Variants in DCLK3 observed in about 807,000 individuals in gnomAD.
The protein encoded by DCLK3 is serine/threonine-protein kinase DCLK3.
Under a neutral mutation model 46.4 loss-of-function variants are expected in DCLK3, and 30 were observed. The observed-to-expected ratio is 0.65, with a 90% CI of 0.48 to 0.88. DCLK3 has a LOEUF of 0.88. Ranked by LOEUF, DCLK3 falls within the 40% of genes least tolerant of loss-of-function variation. The pLI, the probability that DCLK3 is intolerant of heterozygous loss-of-function variation, is 0.00. For missense variants in DCLK3, 846 were observed against 907.1 expected, an observed-to-expected ratio of 0.93 and a Z score of 0.87; for synonymous variants, 401 against 339.2, an observed-to-expected ratio of 1.18 and a Z score of -2.00.
intron 2 of DCLK3, among the ~76,000 whole-genome samples, chr3:36,729,424 A>G (rs1036746392): frequency 6.6e-5 from 10 of 152,154 alleles, no homozygotes; most frequent in African/African-American, 2.4e-4. Flanking sequence ...TTTACATGGC[A>G]CTGTAATGAC....
At chr3:36,734,711 T>G (rs889966310) in intron 2 of DCLK3, among the ~76,000 whole-genome samples, 6 of 151,850 alleles carry the variant, frequency 4.0e-5, no homozygotes, top group Non-Finnish European at 4.4e-5. Flanking sequence ...CTCCCTCTCT[T>G]TCTCTCTCTG....
chr3:36,722,588 G>A lies in DCLK3; in HGVS notation c.1960-929C>T, dbSNP rs189176177. ...TCCCACAATTCCCACATGTTGTGAG[G>A]GGAACCCGGTGGGCAGTAATTGAAT... On this transcript the variant is annotated intron_variant, in intron 2 of 4. Coordinates refer to ENST00000636136, the MANE Select transcript of DCLK3 (RefSeq NM_001394672.2). Among the ~76,000 whole-genome samples, 42 of 152,284 alleles carry A rather than the reference G, an allele frequency of 2.8e-4. No homozygotes were observed. In the East Asian group the frequency reaches 7.9e-3, roughly 29 times the overall value.
chr3:36,720,673 T>A (rs1471324244), intron 3 of DCLK3, among the ~76,000 whole-genome samples: 1 of 152,110 alleles, frequency 6.6e-6, no homozygotes, highest in African/African-American at 2.4e-5. Flanking sequence ...CCCAGCTAAT[T>A]TTTTTGTAGT....
At chr3:36,760,564 C>CATGT (rs1305815342) in intron 1 of DCLK3, among the ~76,000 whole-genome samples, 2 of 152,004 alleles carry the variant, frequency 1.3e-5, no homozygotes, top group Non-Finnish European at 2.9e-5. Flanking sequence ...CAACATGGCA[C>CATGT]ATGTATACAT....
chr3:36,757,204 T>A lies in DCLK3; in HGVS notation c.82+6978A>T, dbSNP rs1575148363. ...TTTCGGTTTGTGAAATTTTTGTCTG[T>A]TTGTGTGGCTTTGTGTTCTCTGCCC... On this transcript the variant is annotated intron_variant, in intron 1 of 4. Coordinates refer to ENST00000636136, the MANE Select transcript of DCLK3 (RefSeq NM_001394672.2). Among the ~76,000 whole-genome samples the A allele has an allele frequency of 1.3e-5, 2 of 152,142 alleles. 1 individual carries two copies. Among genetic ancestry groups the A allele is most frequent in the South Asian group, 4.2e-4 (2 of 4,812 alleles).
At chr3:36,747,266 C>T (rs915955705) in intron 1 of DCLK3, among the ~76,000 whole-genome samples, 2 of 151,906 alleles carry the variant, frequency 1.3e-5, no homozygotes, top group Non-Finnish European at 2.9e-5. Flanking sequence ...GACAGATTGA[C>T]AGGAGAAAAA....
rs1339233202 is a variant in DCLK3, at chr3:36,715,473, C to T, written c.2309G>A (p.Arg770His). 2 of 1,588,426 alleles carry T rather than the reference C, an allele frequency of 1.3e-6. No individual in the cohort carries two copies. The highest frequency in any genetic ancestry group is 1.7e-6 in the Non-Finnish European group (2 of 1,168,296). The change falls in exon 5 of 5, where the codon CGC becomes CAC. Residue 770 changes from arginine (R) to histidine (H), a missense_variant. Around this residue, in one of 3 missense-constraint regions of DCLK3, gnomAD observed 247 missense variants for 322.8 expected, o/e 0.77. Transcript: ENST00000636136. Reference protein sequence around the residue: ...SRLLVVDPKKRYTAHQVLQHP... With the variant: ...SRLLVVDPKKHYTAHQVLQHP... ...CTGAAGAACCTGATGAGCTGTGTAG[C>T]GCTTTTTGGGGTCTACCACCAGCAA...
chr3:36,740,378 CA>C (rs1462581448), intron 1 of DCLK3, among the ~76,000 whole-genome samples: 1 of 152,132 alleles, frequency 6.6e-6, no homozygotes, highest in Non-Finnish European at 1.5e-5. Flanking sequence ...TCTGGCATCA[CA>C]AGAACTCATG....
In DCLK3 at chr3:36,741,173, A is replaced by G. The variant is rs948913863; in HGVS notation, c.83-2089T>C. Among the ~76,000 whole-genome samples, 7 of 152,242 alleles carry G rather than the reference A, an allele frequency of 4.6e-5. No individual in the cohort carries two copies. The East Asian group carries it at 1.3e-3, about 29-fold the overall frequency. ...GATGTTGAGAGAAAGAAAGAGAGCT[A>G]CAGAAGGAATACTAGTTTGTATTTC... On this transcript the variant is annotated intron_variant, in intron 1 of 4. Coordinates refer to ENST00000636136, the MANE Select transcript of DCLK3 (RefSeq NM_001394672.2).
At chr3:36,759,465 A>G (rs1048628712) in intron 1 of DCLK3, among the ~76,000 whole-genome samples, 3 of 152,246 alleles carry the variant, frequency 2.0e-5, no homozygotes, top group African/African-American at 7.2e-5. Flanking sequence ...TTGGCTATCA[A>G]TTGACCTGTG....
chr3:36,744,638 T>C (rs1218306386), intron 1 of DCLK3, among the ~76,000 whole-genome samples: 2 of 152,222 alleles, frequency 1.3e-5, no homozygotes, highest in African/African-American at 4.8e-5. Flanking sequence ...GAGTGAGCAC[T>C]CAACTTGTGC....
chr3:36,763,645 C>T (rs542724621), intron 1 of DCLK3, among the ~76,000 whole-genome samples: 2 of 152,302 alleles, frequency 1.3e-5, no homozygotes, highest in African/African-American at 4.8e-5. Context: ...ACTCCAGCTC[C>T]GCTGCTATGG....
chr3:36,762,514 G>A (rs1400254397), intron 1 of DCLK3, among the ~76,000 whole-genome samples: 1 of 152,176 alleles, frequency 6.6e-6, no homozygotes, highest in Admixed American at 6.5e-5. Flanking sequence ...TGGATCTCTG[G>A]AAACAAAGGA....
intron 2 of DCLK3, among the ~76,000 whole-genome samples, chr3:36,725,612 G>A (rs1391003080): frequency 6.6e-6 from 1 of 152,188 alleles, no homozygotes; most frequent in Non-Finnish European, 1.5e-5. Flanking sequence ...GTAAGACCCT[G>A]TCTCAAAATA....
At chr3:36,759,496 AG>A (rs1559395716) in intron 1 of DCLK3, among the ~76,000 whole-genome samples, 148 of 152,336 alleles carry the variant, frequency 9.7e-4, no homozygotes, top group African/African-American at 3.3e-3. Context: ...ATTGTGTGTG[AG>A]AAGTAACCTT....
At chr3:36,743,733 G>GCCAT (rs1701369197) in intron 1 of DCLK3, among the ~76,000 whole-genome samples, 1 of 152,100 alleles carries the variant, frequency 6.6e-6, no homozygotes, top group South Asian at 2.1e-4. Flanking sequence ...CTTTTGATAA[G>GCCAT]CCATCCATCT....
chr3:36,737,631 C>T lies in DCLK3; in HGVS notation c.1536G>A (p.Arg512=), dbSNP rs748175022. ...KPERPSGRKP[R]PMGIIAANVE... is the part of the protein sequence containing the mutation. ...CATTGGCGGCAATGATGCCCATGGG[C>T]CGTGGCTTCCGACCGCTGGGCCGCT... is the stretch of plus-strand genomic sequence containing the variant. Residue 512 remains arginine (R), a synonymous_variant, in exon 2 of 5, where the codon CGG becomes CGA. Coordinates refer to ENST00000636136, the MANE Select transcript of DCLK3 (RefSeq NM_001394672.2). This position sits in a 1 kb window ranked among gnomAD's most constrained non-coding sequence, Gnocchi z 4.4. 4 of 1,614,070 alleles carry T rather than the reference C, an allele frequency of 2.5e-6. No homozygotes were observed. The highest frequency in any genetic ancestry group is 2.5e-6 in the Non-Finnish European group (3 of 1,179,978).
At chr3:36,749,036 C>A (rs1701417053) in intron 1 of DCLK3, among the ~76,000 whole-genome samples, 1 of 152,182 alleles carries the variant, frequency 6.6e-6, no homozygotes, top group Admixed American at 6.5e-5. Context: ...TTCCTCCCAA[C>A]TCTCCCAACT....
chr3:36,720,601 T>A (rs1457412874), intron 3 of DCLK3, among the ~76,000 whole-genome samples: 1 of 150,682 alleles, frequency 6.6e-6, no homozygotes, highest in East Asian at 2.0e-4. Flanking sequence ...ACCTCCCCGG[T>A]TCAAGCAATT....
Sources: gnomAD v4.1 joint callset for allele counts (sites outside exome capture counted in the v4.1 genomes callset) on GRCh38, gnomAD v4.1.1 for gene constraint, gnomAD v4.1.1 regional missense constraint, Gnocchi (gnomAD v3.1) non-coding constraint, MANE v1.5 for transcripts, NCBI Gene and HGNC (gene_info 2026-07-23, HGNC 2026-07-21) for gene names.